The following SLC44A5 variants were observed in gnomAD, a reference collection of about 807,000 sequenced individuals.
SLC44A5 encodes solute carrier family 44 member 5.
A neutral mutation model predicts 101.8 loss-of-function variants in SLC44A5; 57 were observed. That is an observed-to-expected ratio of 0.56 (90% CI 0.45 to 0.70). SLC44A5 has a LOEUF of 0.70. Among genes scored for constraint, SLC44A5 ranks in the 30% least tolerant of loss-of-function variants. The pLI, the probability that SLC44A5 is intolerant of heterozygous loss-of-function variation, is 0.00. For missense variants in SLC44A5, 737 were observed against 853.1 expected (o/e 0.86, Z 1.70); for synonymous variants, 281 against 290.9 (o/e 0.97, Z 0.35).
intron 3 of SLC44A5, among the ~76,000 whole-genome samples, chr1:75,391,248 G>C (rs1219099836): frequency 6.6e-6 from 1 of 152,060 alleles, no homozygotes; most frequent in Non-Finnish European, 1.5e-5. Flanking sequence ...TAGATTGGAA[G>C]AATCAATATT....
At chr1:75,547,697 A>G (rs540046872) in intron 1 of SLC44A5, among the ~76,000 whole-genome samples, 33 of 152,292 alleles carry the variant, frequency 2.2e-4, no homozygotes, top group Non-Finnish European at 3.1e-4. Context: ...CAAACAAACA[A>G]ACAAAACACC....
chr1:75,562,027 A>G (rs1263027461), intron 1 of SLC44A5, among the ~76,000 whole-genome samples: 1 of 152,134 alleles, frequency 6.6e-6, no homozygotes, highest in African/African-American at 2.4e-5. Flanking sequence ...GTGATAAAAT[A>G]ATATGTACAA....
chr1:75,473,013 G>A (rs569981748), intron 2 of SLC44A5, among the ~76,000 whole-genome samples: 20 of 152,262 alleles, frequency 1.3e-4, no homozygotes, highest in African/African-American at 4.8e-4. Context: ...TATGTTGCTA[G>A]TATTCCTAGT....
chr1:75,323,007 T>A lies in SLC44A5; in HGVS notation c.101+16575A>T, dbSNP rs186026685. ...GCACATTGTGCAGGTTAGTTACATA[T>A]GTATACATGTGCCATGCTGGTGCGC... is the stretch of plus-strand genomic sequence containing the variant. On this transcript the variant is annotated intron_variant, in intron 4 of 23. Transcript: ENST00000370859. Among the ~76,000 whole-genome samples the A allele has an allele frequency of 6.7e-3, 1,023 of 151,748 alleles. 18 individuals carry two copies. Among genetic ancestry groups the A allele is most frequent in the African/African-American group, 0.023 (956 of 41,366 alleles).
chr1:75,712,427 T>C, the SLC44A5 span, among the ~76,000 whole-genome samples: 1 of 152,328 alleles, frequency 6.6e-6, no homozygotes, highest in East Asian at 1.9e-4. Context: ...CAGTAAGTAT[T>C]AGTTCCTGGG....
the SLC44A5 span, chr1:75,642,009 G>T: frequency 6.8e-7 from 1 of 1,469,338 alleles, no homozygotes; most frequent in Non-Finnish European, 9.5e-7. Flanking sequence ...TCATCTGCAT[G>T]GTGGAAGAAA....
At chr1:75,387,895 A>G (rs1192170171) in intron 3 of SLC44A5, among the ~76,000 whole-genome samples, 3 of 146,660 alleles carry the variant, frequency 2.0e-5, no homozygotes, top group Non-Finnish European at 3.0e-5. Context: ...AAAATGATGA[A>G]TTCATGTCCT....
chr1:75,415,429 G>A (rs1215506713), intron 2 of SLC44A5, among the ~76,000 whole-genome samples: 1 of 152,230 alleles, frequency 6.6e-6, no homozygotes, highest in Non-Finnish European at 1.5e-5. Context: ...CCTCAGCCAT[G>A]TGGAACTAAG....
the SLC44A5 span, among the ~76,000 whole-genome samples, chr1:75,704,166 C>G: frequency 6.6e-5 from 10 of 152,146 alleles, no homozygotes; most frequent in African/African-American, 2.4e-4. Flanking sequence ...CCTAAAAGCT[C>G]TTTCTGGAAA....
At chr1:75,641,635 A>C in the SLC44A5 span, 39 of 1,491,016 alleles carry the variant, frequency 2.6e-5, no homozygotes, top group East Asian at 8.1e-4. Context: ...TCAAAATTGC[A>C]TAACAAGGAA....
chr1:75,687,435 C>T, the SLC44A5 span, among the ~76,000 whole-genome samples: 1,591 of 152,172 alleles, frequency 0.01, 14 homozygotes, highest in Non-Finnish European at 0.016. Flanking sequence ...TCCCAAGTAG[C>T]TGGGATTACA....
At chr1:75,697,431 A>T in the SLC44A5 span, among the ~76,000 whole-genome samples, 6 of 152,206 alleles carry the variant, frequency 3.9e-5, no homozygotes, top group South Asian at 2.1e-4. Flanking sequence ...AAGGTATAAG[A>T]ATCAAGATAT....
At chr1:75,267,014 C>T (rs1651052113) in intron 6 of SLC44A5, among the ~76,000 whole-genome samples, 2 of 152,190 alleles carry the variant, frequency 1.3e-5, no homozygotes, top group African/African-American at 2.4e-5. Flanking sequence ...CTGCGCCGAA[C>T]ACAATAGATC....
At position 75,451,621 on chromosome 1, in the gene SLC44A5, G is replaced by A. The variant is rs568161717; in HGVS notation, c.14-55000C>T. ...CCAGCTGAAGAATTCTGGCACCATG[G>A]AAAATCTGAAGGTAGTGTCATCATT... On this transcript the variant is annotated intron_variant, in intron 2 of 23. Coordinates refer to ENST00000370859, the MANE Select transcript of SLC44A5 (RefSeq NM_001130058.2). Among the ~76,000 whole-genome samples the A allele has an allele frequency of 2.0e-5, 3 of 152,196 alleles. No homozygotes were observed. In the East Asian group the frequency reaches 5.8e-4, roughly 29 times the overall value.
intron 2 of SLC44A5, among the ~76,000 whole-genome samples, chr1:75,524,672 A>G (rs1440826178): frequency 1.3e-5 from 2 of 152,304 alleles, no homozygotes; most frequent in Admixed American, 1.3e-4. Flanking sequence ...AAAATAAAGT[A>G]TGTCACATTG....
intron 3 of SLC44A5, among the ~76,000 whole-genome samples, chr1:75,343,960 G>C (rs554935162): frequency 6.6e-6 from 1 of 151,990 alleles, no homozygotes; most frequent in South Asian, 2.1e-4. Flanking sequence ...GGCTTTTTAC[G>C]ATATGGCTCA....
intron 3 of SLC44A5, among the ~76,000 whole-genome samples, chr1:75,386,983 G>T (rs1466092614): frequency 1.3e-5 from 2 of 151,714 alleles, no homozygotes; most frequent in East Asian, 1.9e-4. Flanking sequence ...TTAATAAATG[G>T]TGCTGGGAAA....
chr1:75,608,408 G>A (rs1324294735), intron 1 of SLC44A5, among the ~76,000 whole-genome samples: 1 of 151,736 alleles, frequency 6.6e-6, no homozygotes, highest in African/African-American at 2.4e-5. Flanking sequence ...AATTTTTAAA[G>A]AGTTATTGCA....
intron 2 of SLC44A5, among the ~76,000 whole-genome samples, chr1:75,480,090 G>T (rs1411026090): frequency 1.3e-5 from 2 of 152,142 alleles, no homozygotes; most frequent in East Asian, 1.9e-4. Context: ...ATGCAAGGCT[G>T]GTTCAATATA....
Sources: allele counts gnomAD v4.1 joint callset (sites outside exome capture counted in the v4.1 genomes callset), GRCh38; gene constraint gnomAD v4.1.1; transcripts MANE v1.5; gene names NCBI Gene and HGNC (gene_info 2026-07-23, HGNC 2026-07-21).